The following SMURF2 variants were observed in gnomAD, a reference collection of about 807,000 sequenced individuals.
SMURF2 encodes the protein E3 ubiquitin-protein ligase SMURF2.
In SMURF2, 48 loss-of-function variants were observed where a neutral mutation model predicts 109.6. That is an observed-to-expected ratio of 0.44 (90% CI 0.35 to 0.56). The LOEUF is 0.56. Among genes scored for constraint, SMURF2 ranks in the 20% least tolerant of loss-of-function variants. The pLI is 0.01. For synonymous variants in SMURF2, 288 were observed against 317.1 expected (o/e 0.91, Z 0.97); for missense variants, 575 against 909.0 (o/e 0.63, Z 4.72).
intron 6 of SMURF2, among the ~76,000 whole-genome samples, chr17:64,583,984 G>A (rs782790846): frequency 1.5e-4 from 23 of 151,980 alleles, no homozygotes; most frequent in Non-Finnish European, 2.8e-4. Context: ...AAAGCATTTA[G>A]CCTACCCAAA....
intron 2 of SMURF2, among the ~76,000 whole-genome samples, chr17:64,602,794 G>A (rs573306735): frequency 1.3e-5 from 2 of 152,080 alleles, no homozygotes; most frequent in Non-Finnish European, 2.9e-5. Context: ...CGGGTGTGGT[G>A]GCACATGCCT....
chr17:64,642,429 C>A (rs1204701175), intron 1 of SMURF2, among the ~76,000 whole-genome samples: 1 of 152,180 alleles, frequency 6.6e-6, no homozygotes, highest in Admixed American at 6.6e-5. Flanking sequence ...GAGAGCCTTG[C>A]ACTATATAAT....
intron 1 of SMURF2, among the ~76,000 whole-genome samples, chr17:64,637,418 A>G (rs1405219987): frequency 3.3e-5 from 5 of 152,000 alleles, no homozygotes; most frequent in Non-Finnish European, 7.4e-5. Context: ...GAGCCACCAC[A>G]CCCAGCCATC....
At chr17:64,590,948 T>C (rs1464482425) in intron 5 of SMURF2, 136 bp downstream of exon 5, 1 of 517,764 alleles carries the variant, frequency 1.9e-6, no homozygotes, top group Non-Finnish European at 3.3e-6. Flanking sequence ...CTGGATTCAC[T>C]GTAACATTTT....
At position 64,579,327 on chromosome 17, in the gene SMURF2, CA is replaced by C. The variant is rs1249090936; in HGVS notation, c.773-752del. ...AACAACAGAACCACTTTTCTTTAGA[CA>C]AAATCCAGTGAGAAACTTCAATACA... On this transcript the variant is annotated intron_variant, in intron 8 of 18. Transcript: ENST00000262435. 2.6e-5 allele frequency among the ~76,000 whole-genome samples: 4 copies of C among 151,456 alleles called. No individual in the cohort carries two copies. In the East Asian group the frequency reaches 7.7e-4, roughly 29 times the overall value.
intron 1 of SMURF2, among the ~76,000 whole-genome samples, chr17:64,613,774 G>A (rs1970084412): frequency 7.3e-6 from 1 of 137,878 alleles, no homozygotes. Context: ...CAGGCAAGGG[G>A]GTTTTGGGAA....
At chr17:64,649,636 G>GTTTGAGAAAAGGAA (rs1481756853) in intron 1 of SMURF2, among the ~76,000 whole-genome samples, 3 of 152,118 alleles carry the variant, frequency 2.0e-5, no homozygotes, top group Admixed American at 2.0e-4. Flanking sequence ...AAGATAAGGA[G>GTTTGAGAAAAGGAA]TTTGAGAAAC....
At chr17:64,649,678 AC>A (rs1288221598) in intron 1 of SMURF2, among the ~76,000 whole-genome samples, 19 of 152,136 alleles carry the variant, frequency 1.2e-4, no homozygotes, top group African/African-American at 4.6e-4. Flanking sequence ...CCCTGTCTCT[AC>A]TAAAAATACA....
intron 2 of SMURF2, among the ~76,000 whole-genome samples, chr17:64,601,856 G>A (rs1969902717): frequency 6.7e-6 from 1 of 148,766 alleles, no homozygotes; most frequent in South Asian, 2.1e-4. Context: ...GTGTGTATAT[G>A]TGTGTGTGTA....
Position 64,543,148 on chromosome 17 carries a change from C to A in SMURF2, c.*2700G>T, listed in dbSNP as rs1256499067. On this transcript the variant is annotated 3_prime_UTR_variant, in exon 19 of 19. Transcript: ENST00000262435. ...GGTGCAAGTCCATGGTTCAATAATA[C>A]ATTGGGGGTTTTTGCTTAGCACCTA... The A allele has an allele frequency of 2.0e-5, 3 of 152,058 alleles. No homozygotes were observed. The East Asian group carries it at 5.8e-4, about 29-fold the overall frequency. The allele number at this position is 152,058 out of a possible 1,614,324, so 9.4% of individuals were successfully genotyped here. A position where few individuals can be genotyped will look rare whatever the true frequency, so the allele number is the denominator to read the frequency against.
intron 10 of SMURF2, among the ~76,000 whole-genome samples, chr17:64,571,327 CTCATA>C (rs1969396134): frequency 6.6e-6 from 1 of 152,132 alleles, no homozygotes; most frequent in Non-Finnish European, 1.5e-5. Context: ...GTTTAAAATA[CTCATA>C]TCAGAGTAAA....
At chr17:64,634,973 CTAA>C (rs375915671) in intron 1 of SMURF2, among the ~76,000 whole-genome samples, 26 of 151,736 alleles carry the variant, frequency 1.7e-4, no homozygotes, top group Non-Finnish European at 2.5e-4. Context: ...ACATCATAAC[CTAA>C]TAATAATAAT....
At chr17:64,639,767 C>T (rs1029560859) in intron 1 of SMURF2, among the ~76,000 whole-genome samples, 6 of 152,136 alleles carry the variant, frequency 3.9e-5, no homozygotes, top group African/African-American at 1.4e-4. Context: ...TCTAAGACTT[C>T]TTTCCAGTAG....
chr17:64,552,807 G>A (rs899678153), intron 15 of SMURF2, among the ~76,000 whole-genome samples: 2 of 152,128 alleles, frequency 1.3e-5, no homozygotes, highest in South Asian at 2.1e-4. Flanking sequence ...AGGTTCAAGC[G>A]GTTCTCCTGC....
rs1969406015 is a variant in SMURF2 at position 64,572,028 on chromosome 17, C to T, written c.858-72G>A. 4 of 1,276,468 alleles carry T rather than the reference C, an allele frequency of 3.1e-6. No homozygotes were observed. The African/African-American group carries it at 4.6e-5, about 15-fold the overall frequency. The allele number at this position is 1,276,468 out of a possible 1,614,324, so 79.1% of individuals were successfully genotyped here. On this transcript the variant is annotated intron_variant, in intron 9 of 18. Coordinates refer to ENST00000262435, the MANE Select transcript of SMURF2 (RefSeq NM_022739.4). ...CTGAACCAAGCAAGTGTAAATGACACAGAACAATTCCACAAAGTGTGAGAA... is the reference window on the plus strand; with the variant it reads ...CTGAACCAAGCAAGTGTAAATGACATAGAACAATTCCACAAAGTGTGAGAA...
At chr17:64,590,139 C>CT (rs1441728481) in intron 5 of SMURF2, among the ~76,000 whole-genome samples, 1 of 133,602 alleles carries the variant, frequency 7.5e-6, no homozygotes. Flanking sequence ...TTGAATTTTT[C>CT]TTTTCTTTTT....
chr17:64,565,502 C>A (rs1555684874), intron 10 of SMURF2, among the ~76,000 whole-genome samples: 1 of 151,920 alleles, frequency 6.6e-6, no homozygotes, highest in African/African-American at 2.4e-5. Context: ...TCATCTTTTT[C>A]TTTAAAAAGA....
At chr17:64,650,077 C>T (rs1369583521) in intron 1 of SMURF2, among the ~76,000 whole-genome samples, 3 of 151,944 alleles carry the variant, frequency 2.0e-5, no homozygotes, top group Admixed American at 6.6e-5. Context: ...AATCGGTTTT[C>T]ACCAATTTCT....
intron 15 of SMURF2, among the ~76,000 whole-genome samples, chr17:64,552,144 G>A (rs1363435192): frequency 6.6e-5 from 10 of 152,080 alleles, no homozygotes; most frequent in African/African-American, 2.2e-4. Context: ...GGAGGCCTAC[G>A]GGAGAAGAGG....
Sources: allele counts gnomAD v4.1 joint callset (sites outside exome capture counted in the v4.1 genomes callset), GRCh38; gene constraint gnomAD v4.1.1; transcripts MANE v1.5; gene names NCBI Gene and HGNC (gene_info 2026-07-23, HGNC 2026-07-21).